The following TAB2 variants were observed in gnomAD, a reference collection of about 807,000 sequenced individuals.
TAB2 encodes TGF-beta activated kinase 1 (MAP3K7) binding protein 2, also known as TGF-beta-activated kinase 1 and MAP3K7-binding protein 2.
TAB2 carries 3 observed loss-of-function variants against 65.0 expected under a neutral mutation model. The ratio of observed to expected loss-of-function variants is 0.05; its 90% CI spans 0.02 to 0.12. TAB2 has a LOEUF of 0.12. TAB2 is among the 10% of genes least tolerant of loss of function. TAB2 has a pLI of 1.00. For missense variants in TAB2, 623 were observed against 840.3 expected, an observed-to-expected ratio of 0.74 and a Z score of 3.20; for synonymous variants, 298 against 285.1, an observed-to-expected ratio of 1.05 and a Z score of -0.46.
At chr6:149,386,566 A>G (rs1269563182) in intron 3 of TAB2, among the ~76,000 whole-genome samples, 3 of 152,214 alleles carry the variant, frequency 2.0e-5, no homozygotes, top group South Asian at 2.1e-4. Flanking sequence ...TGACTCATCT[A>G]TGGTATAGCA....
rs768565483 is a variant in TAB2, at chr6:149,379,477, G to T, written c.1562G>T (p.Arg521Leu). The change falls in exon 3 of 7, where the codon CGG becomes CTG. Residue 521 changes from arginine (R) to leucine (L), a missense_variant. Physicochemically the swap from Arg to Leu is moderately radical, Grantham distance 102. Transcript: ENST00000637181. ...LAHVDRISET[R>L]KLSMGSDDAA... ...CATGTGGATAGAATAAGTGAAACAC[G>T]GAAACTGAGTATGGGATCTGATGAT... The T allele has an allele frequency of 6.2e-7, 1 of 1,614,034 alleles. No homozygotes were observed. The highest frequency in any genetic ancestry group is 1.6e-4 in the Middle Eastern group (1 of 6,062).
intron 2 of TAB2, among the ~76,000 whole-genome samples, chr6:149,374,798 C>T (rs1044116638): frequency 1.3e-5 from 2 of 152,088 alleles, no homozygotes; most frequent in African/African-American, 4.8e-5. Context: ...CAATGAAATG[C>T]AGGGGAAATT....
intron 1 of TAB2, among the ~76,000 whole-genome samples, chr6:149,333,708 A>AGTGTGTGTGTGTGTGTGT (rs61004397): frequency 1.4e-5 from 2 of 144,896 alleles, no homozygotes; most frequent in East Asian, 2.1e-4. Context: ...CCAGATCCAT[A>AGTGTGTGTGTGTGTGTGT]GTGTGTGTGT....
At chr6:149,322,407 A>G (rs1262869025) in intron 1 of TAB2, among the ~76,000 whole-genome samples, 1 of 152,154 alleles carries the variant, frequency 6.6e-6, no homozygotes, top group Non-Finnish European at 1.5e-5. Context: ...CTTTAAGAAT[A>G]CACTTCAAAT....
chr6:149,282,244 A>G (rs1459225121), intron 1 of TAB2, among the ~76,000 whole-genome samples: 1 of 152,320 alleles, frequency 6.6e-6, no homozygotes, highest in Non-Finnish European at 1.5e-5. Context: ...CTATGCGTCT[A>G]TAACAAAGCT....
upstream of TAB2, among the ~76,000 whole-genome samples, chr6:149,317,180 A>G (rs1297615100): frequency 6.6e-6 from 1 of 151,612 alleles, no homozygotes; most frequent in Non-Finnish European, 1.5e-5. This position sits in a 1 kb window ranked among gnomAD's most constrained non-coding sequence, Gnocchi z 4.7. Context: ...CTCAGCCCAA[A>G]CTGCTAGCGG....
intron 6 of TAB2, among the ~76,000 whole-genome samples, chr6:149,402,486 T>TA (rs1233603526): frequency 3.3e-5 from 5 of 151,520 alleles, no homozygotes; most frequent in Admixed American, 1.3e-4. Context: ...TTTAGAAATT[T>TA]AAAAAAAAAT....
At position 149,340,807 on chromosome 6, in the gene TAB2, CT is replaced by C. The variant is rs151324410; in HGVS notation, c.-90+22796del. On this transcript the variant is annotated intron_variant, in intron 1 of 6. Transcript: ENST00000637181. ...ACACTTCCATGTTAACTTTTTAAAACTTTTAAAATGAAGTTGTGGCAGAGAA... is the reference window on the plus strand; with the variant it reads ...ACACTTCCATGTTAACTTTTTAAAACTTTAAAATGAAGTTGTGGCAGAGAA... Among the ~76,000 whole-genome samples, 3 of 152,130 alleles carry C rather than the reference CT, an allele frequency of 2.0e-5. No homozygotes were observed. In the East Asian group the frequency reaches 5.8e-4, roughly 29 times the overall value.
intron 6 of TAB2, among the ~76,000 whole-genome samples, chr6:149,399,424 T>G (rs1057397201): frequency 2.0e-5 from 3 of 152,064 alleles, no homozygotes; most frequent in Non-Finnish European, 4.4e-5. Flanking sequence ...CACTATGTAC[T>G]CCCAACCAAT....
chr6:149,355,715 T>C (rs1431864822), intron 1 of TAB2, among the ~76,000 whole-genome samples: 1 of 151,972 alleles, frequency 6.6e-6, no homozygotes, highest in Non-Finnish European at 1.5e-5. Flanking sequence ...ATTACTTCCT[T>C]AGCATAAATT....
Position 149,410,838 on chromosome 6 carries a change from T to C in TAB2, c.*1119T>C, listed in dbSNP as rs538750621. On this transcript the variant is annotated 3_prime_UTR_variant, in exon 7 of 7. Transcript: ENST00000637181. ...ACAGAACTTGCACAAGCAGTTGTTATTGGGAAAGTACAGTCTCAAAACCAG... is the reference window on the plus strand; with the variant it reads ...ACAGAACTTGCACAAGCAGTTGTTACTGGGAAAGTACAGTCTCAAAACCAG... 2.6e-5 allele frequency: 4 copies of C among 152,466 alleles called. No individual in the cohort carries two copies. Among genetic ancestry groups the C allele is most frequent in the African/African-American group, 7.2e-5 (3 of 41,466 alleles). The allele number at this position is 152,466 out of a possible 1,614,324, so 9.4% of individuals were successfully genotyped here.
chr6:149,374,174 G>GAGCA (rs546383980), intron 2 of TAB2, among the ~76,000 whole-genome samples: 23 of 152,278 alleles, frequency 1.5e-4, no homozygotes, highest in Admixed American at 1.0e-3. Flanking sequence ...TAGTTGAAGA[G>GAGCA]AGCAAGCATT....
At chr6:149,388,918 C>T (rs1045028749) in intron 3 of TAB2, among the ~76,000 whole-genome samples, 4 of 151,240 alleles carry the variant, frequency 2.6e-5, no homozygotes, top group Admixed American at 2.6e-4. Context: ...AAAGCCTTTC[C>T]ATATTCCAAG....
chr6:149,299,220 AG>A (rs1778929044), intron 1 of TAB2, among the ~76,000 whole-genome samples: 1 of 152,220 alleles, frequency 6.6e-6, no homozygotes, highest in Non-Finnish European at 1.5e-5. Context: ...TCTGGTCATG[AG>A]ACTATAGTAA....
At chr6:149,374,460 G>A (rs556946910) in intron 2 of TAB2, among the ~76,000 whole-genome samples, 88 of 152,238 alleles carry the variant, frequency 5.8e-4, no homozygotes, top group African/African-American at 2.0e-3. Context: ...TGGGCCCAGC[G>A]ATCATCCCGC....
chr6:149,367,592 A>G (rs753743102), intron 1 of TAB2, among the ~76,000 whole-genome samples: 12 of 152,172 alleles, frequency 7.9e-5, no homozygotes, highest in Non-Finnish European at 1.5e-4. Flanking sequence ...CAGTAAAGAA[A>G]ATACTGGGGA....
At chr6:149,375,804 A>C (rs996127716) in intron 2 of TAB2, among the ~76,000 whole-genome samples, 2 of 152,192 alleles carry the variant, frequency 1.3e-5, no homozygotes, top group Non-Finnish European at 2.9e-5. Context: ...TTGAAAAATT[A>C]GTATGTATCA....
chr6:149,369,875 G>T (rs896053418), intron 1 of TAB2, 34 bp from the exon 2 acceptor site: 2 of 771,628 alleles, frequency 2.6e-6, no homozygotes, highest in Admixed American at 4.1e-5. Flanking sequence ...TCTATAATCA[G>T]TTCTCATTAA....
intron 2 of TAB2, among the ~76,000 whole-genome samples, chr6:149,377,140 G>A (rs1052717820): frequency 4.0e-5 from 6 of 150,668 alleles, no homozygotes; most frequent in Non-Finnish European, 8.9e-5. Context: ...CGCAGTCTCG[G>A]CTCACTGCAA....
Sources: gnomAD v4.1 joint callset for allele counts (sites outside exome capture counted in the v4.1 genomes callset) on GRCh38, gnomAD v4.1.1 for gene constraint, Gnocchi (gnomAD v3.1) non-coding constraint, MANE v1.5 for transcripts, NCBI Gene and HGNC (gene_info 2026-07-23, HGNC 2026-07-21) for gene names.